Variants in PCBP3 observed in about 807,000 individuals in gnomAD.
PCBP3 encodes poly(rC)-binding protein 3.
PCBP3 carries 25 observed loss-of-function variants against 52.7 expected under a neutral mutation model. The ratio of observed to expected loss-of-function variants is 0.47; its 90% CI spans 0.35 to 0.66. The LOEUF (loss-of-function observed/expected upper bound fraction) is 0.66, where lower values mean the gene tolerates loss of function less well. PCBP3 is among the 30% of genes least tolerant of loss of function. PCBP3 has a pLI of 0.01. For synonymous variants in PCBP3, 162 were observed against 183.0 expected, an observed-to-expected ratio of 0.89 and a Z score of 0.93; for missense variants, 391 against 490.3, an observed-to-expected ratio of 0.80 and a Z score of 1.91.
chr21:45,921,149 C>A (rs1423334830), intron 13 of PCBP3, among the ~76,000 whole-genome samples: 1 of 109,908 alleles, frequency 9.1e-6, no homozygotes, highest in Admixed American at 9.3e-5. Context: ...AGTCAGGAAG[C>A]AATTTGTATC....
At chr21:45,824,656 G>A (rs1310361298) in intron 4 of PCBP3, among the ~76,000 whole-genome samples, 3 of 152,168 alleles carry the variant, frequency 2.0e-5, no homozygotes, top group African/African-American at 7.2e-5. Flanking sequence ...GGTGTGGGTG[G>A]GTTTCTGAGG....
rs553060972 is a variant in PCBP3 at position 45,939,690 on chromosome 21, G to C, written c.910-340G>C. Among the ~76,000 whole-genome samples the C allele has an allele frequency of 1.1e-4, 17 of 152,358 alleles. No homozygotes were observed. The South Asian group carries it at 3.3e-3, about 30-fold the overall frequency. ...GCTCAGCTGCTGGCTGCCACCTGTG[G>C]GTCGCTCCTGGACCCCGGGGTGACC... On this transcript the variant is annotated intron_variant, in intron 16 of 17. Transcript: ENST00000681687.
At chr21:45,835,451 C>T (rs1291913076) in intron 4 of PCBP3, among the ~76,000 whole-genome samples, 7 of 152,192 alleles carry the variant, frequency 4.6e-5, no homozygotes, top group Non-Finnish European at 1.0e-4. Flanking sequence ...ACCTCCCTGC[C>T]GGCCGTCAGC....
At chr21:45,689,076 T>G (rs2082317915) in intron 2 of PCBP3, among the ~76,000 whole-genome samples, 2 of 152,052 alleles carry the variant, frequency 1.3e-5, no homozygotes, top group Non-Finnish European at 2.9e-5. Context: ...CCGAATTTAT[T>G]TAATTAGGCC....
chr21:45,833,160 G>A (rs2093494796), intron 4 of PCBP3, among the ~76,000 whole-genome samples: 1 of 152,196 alleles, frequency 6.6e-6, no homozygotes, highest in South Asian at 2.1e-4. Flanking sequence ...ACGGAGACAC[G>A]GCCTCAGGCC....
At chr21:45,653,839 A>G (rs1318524882) in intron 1 of PCBP3, among the ~76,000 whole-genome samples, 2 of 151,664 alleles carry the variant, frequency 1.3e-5, no homozygotes, top group South Asian at 2.1e-4. Flanking sequence ...TGATAATGTG[A>G]TTTTTTGAAA....
In PCBP3 at chr21:45,821,644, C is replaced by T. The variant is rs1363127088; in HGVS notation, c.-125-28317C>T. The stretch of plus-strand genomic sequence containing the variant: ...CTTGTTCTGGCTTCTCCACGGGACC[C>T]TCCTGTCCTCCCGTGTGATGCTGAC... On this transcript the variant is annotated intron_variant, in intron 4 of 17. Coordinates refer to ENST00000681687, the MANE Select transcript of PCBP3 (RefSeq NM_001384156.1). This position sits in a 1 kb window ranked among gnomAD's most constrained non-coding sequence, Gnocchi z 4.4. Among the ~76,000 whole-genome samples the T allele has an allele frequency of 8.5e-5, 13 of 152,166 alleles. No homozygotes were observed. Among genetic ancestry groups the T allele is most frequent in the African/African-American group, 3.1e-4 (13 of 41,430 alleles).
At chr21:45,663,639 G>A (rs752345679) in intron 1 of PCBP3, among the ~76,000 whole-genome samples, 4 of 152,096 alleles carry the variant, frequency 2.6e-5, no homozygotes, top group Non-Finnish European at 5.9e-5. Flanking sequence ...TGAATAGAGT[G>A]TTTTTCCCCA....
intron 1 of PCBP3, among the ~76,000 whole-genome samples, chr21:45,654,406 TCTC>T (rs2079881838): frequency 6.7e-6 from 1 of 148,616 alleles, no homozygotes; most frequent in African/African-American, 2.5e-5. Context: ...AGTGACGTGA[TCTC>T]AGCTCACTGC....
At chr21:45,728,594 G>A (rs1169096570) in intron 2 of PCBP3, 1 of 152,068 alleles carries the variant, frequency 6.6e-6, no homozygotes, top group African/African-American at 2.4e-5. Context: ...AATGAATTGG[G>A]AAGTATTCTC....
At chr21:45,882,132 TAA>T (rs1050051772) in intron 5 of PCBP3, among the ~76,000 whole-genome samples, 1 of 152,250 alleles carries the variant, frequency 6.6e-6, no homozygotes, top group Admixed American at 6.5e-5. Context: ...ATGACTGTAC[TAA>T]GTTTCCCATC....
chr21:45,870,117 T>C (rs867812571), intron 5 of PCBP3, among the ~76,000 whole-genome samples: 2 of 152,238 alleles, frequency 1.3e-5, no homozygotes, highest in African/African-American at 4.8e-5. Flanking sequence ...TAACTACTTT[T>C]ATCATTTATT....
At chr21:45,902,261 C>T (rs1321404536) in intron 9 of PCBP3, among the ~76,000 whole-genome samples, 7 of 70,384 alleles carry the variant, frequency 9.9e-5, no homozygotes, top group African/African-American at 3.0e-4. Context: ...ACACTGCAGA[C>T]ACTGGGGCCA....
chr21:45,843,401 C>T (rs1022655287), intron 4 of PCBP3, among the ~76,000 whole-genome samples: 2 of 152,188 alleles, frequency 1.3e-5, no homozygotes, highest in Non-Finnish European at 2.9e-5. Flanking sequence ...GCCTTTGTTT[C>T]TTTGCTTAAC....
At chr21:45,679,365 C>T (rs951716905) in intron 2 of PCBP3, among the ~76,000 whole-genome samples, 1 of 152,180 alleles carries the variant, frequency 6.6e-6, no homozygotes, top group Non-Finnish European at 1.5e-5. Flanking sequence ...AAGTGGTCCA[C>T]TCACCTCAGC....
chr21:45,909,226 G>T (rs2096278423), intron 9 of PCBP3, 129 bp from the exon 10 acceptor site: 1 of 996,214 alleles, frequency 1.0e-6, no homozygotes, highest in South Asian at 1.5e-5. Flanking sequence ...TGGCCACTTT[G>T]TCCTCGGCTG....
chr21:45,941,525 T>G lies in PCBP3; in HGVS notation c.1080-145T>G. The G allele has an allele frequency of 6.3e-6, 4 of 632,388 alleles. No homozygotes were observed. The South Asian group carries it at 8.4e-5, about 13-fold the overall frequency. The allele number at this position is 632,388 out of a possible 1,614,324, so 39.2% of individuals were successfully genotyped here. A position where few individuals can be genotyped will look rare whatever the true frequency, so the allele number is the denominator to read the frequency against. On this transcript the variant is annotated intron_variant, in intron 17 of 17. Transcript: ENST00000681687. Reference sequence around the variant, plus strand: ...GGGAAGAGGCCTGTGTGCTCTGCTGTGGTCTCCAGCTCAGGACCTCCTGAG... The same window carrying G: ...GGGAAGAGGCCTGTGTGCTCTGCTGGGGTCTCCAGCTCAGGACCTCCTGAG...
intron 14 of PCBP3, 22 bp from the exon 15 acceptor site, chr21:45,930,764 C>G: frequency 1.9e-6 from 2 of 1,072,922 alleles, no homozygotes; most frequent in Non-Finnish European, 2.9e-6. Context: ...AACATTAAAC[C>G]TGTCTCTTCT....
At chr21:45,682,848 A>G (rs747332309) in intron 2 of PCBP3, among the ~76,000 whole-genome samples, 7 of 152,190 alleles carry the variant, frequency 4.6e-5, no homozygotes, top group Non-Finnish European at 8.8e-5. Context: ...AGCAGCCTGA[A>G]GTTTAGAGGA....
Sources: gnomAD v4.1 joint callset for allele counts (sites outside exome capture counted in the v4.1 genomes callset) on GRCh38, gnomAD v4.1.1 for gene constraint, Gnocchi (gnomAD v3.1) non-coding constraint, MANE v1.5 for transcripts, NCBI Gene and HGNC (gene_info 2026-07-23, HGNC 2026-07-21) for gene names.